The following UTP18 variants were observed in gnomAD, a reference collection of about 807,000 sequenced individuals.
UTP18 encodes U3 small nucleolar RNA-associated protein 18 homolog.
Under a neutral mutation model 61.1 loss-of-function variants are expected in UTP18, and 36 were observed. That is an observed-to-expected ratio of 0.59 (90% CI 0.45 to 0.78). UTP18 has a LOEUF of 0.78. Ranked by LOEUF, UTP18 falls within the 30% of genes least tolerant of loss-of-function variation. The pLI is 0.00. For missense variants in UTP18, 753 were observed against 693.9 expected (o/e 1.09, Z -0.96); for synonymous variants, 282 against 251.1 (o/e 1.12, Z -1.16).
chr17:51,285,029 C>G (rs984889901), intron 9 of UTP18, among the ~76,000 whole-genome samples: 1 of 151,506 alleles, frequency 6.6e-6, no homozygotes, highest in African/African-American at 2.4e-5. Context: ...CAGTTACACT[C>G]CAGCCTGGGC....
intron 2 of UTP18, 78 bp from the exon 3 acceptor site, chr17:51,266,104 T>C: frequency 9.1e-7 from 1 of 1,098,760 alleles, no homozygotes; most frequent in Non-Finnish European, 1.2e-6. Flanking sequence ...TAAACATTTT[T>C]CTCCAAGTGC....
intron 3 of UTP18, among the ~76,000 whole-genome samples, chr17:51,266,854 C>T (rs1173614926): frequency 6.6e-6 from 1 of 151,922 alleles, no homozygotes; most frequent in African/African-American, 2.4e-5. Flanking sequence ...GATTTTATGT[C>T]CTTTAAATTT....
intron 10 of UTP18, among the ~76,000 whole-genome samples, chr17:51,287,009 A>G (rs186550282): frequency 3.3e-5 from 4 of 121,202 alleles, no homozygotes; most frequent in Admixed American, 2.1e-4. Context: ...CCGGTATGTG[A>G]TGTTCCCCTT....
chr17:51,297,053 T>A, intron 13 of UTP18, 50 bp downstream of exon 13: 1 of 1,471,340 alleles, frequency 6.8e-7, no homozygotes, highest in Non-Finnish European at 9.3e-7. Context: ...GATACACCCA[T>A]TGCTGTCAGT....
chr17:51,263,688 G>A (rs2055531356), intron 2 of UTP18, among the ~76,000 whole-genome samples: 1 of 152,180 alleles, frequency 6.6e-6, no homozygotes, highest in Admixed American at 6.5e-5. Context: ...ACCATGGGCA[G>A]TTTGGAACCT....
chr17:51,295,318 T>G (rs1442302714), intron 12 of UTP18, among the ~76,000 whole-genome samples: 1 of 152,128 alleles, frequency 6.6e-6, no homozygotes, highest in Non-Finnish European at 1.5e-5. Context: ...TCTTCTAGGG[T>G]TTTTATGGTT....
Position 51,263,370 on chromosome 17 carries a change from G to A in UTP18, c.439G>A (p.Asp147Asn). Residue 147 changes from aspartate to asparagine, a missense_variant, in exon 2 of 14, where the codon GAT (aspartate) becomes AAT (asparagine). Transcript: ENST00000225298. The stretch of plus-strand genomic sequence containing the variant: ...GAAGCCAGTTTGGGTGGATGAAGAA[G>A]ATGAAGATGAGGAAATGTAAGTTGC... ...QKKPVWVDEEDEDEEMVDMMN... is the reference protein window; with the variant it reads ...QKKPVWVDEENEDEEMVDMMN... 2 of 1,614,040 alleles carry A rather than the reference G, an allele frequency of 1.2e-6. No individual in the cohort carries two copies. Among genetic ancestry groups the A allele is most frequent in the Non-Finnish European group, 1.7e-6 (2 of 1,179,928 alleles).
intron 9 of UTP18, 96 bp from the exon 10 acceptor site, chr17:51,285,149 C>T (rs1431727544): frequency 7.3e-7 from 1 of 1,372,682 alleles, no homozygotes; most frequent in Non-Finnish European, 1.0e-6. Flanking sequence ...TATTTGTAGT[C>T]TCCTGTACTG....
At chr17:51,274,699 G>A (rs1424752796) in intron 5 of UTP18, among the ~76,000 whole-genome samples, 2 of 151,626 alleles carry the variant, frequency 1.3e-5, no homozygotes, top group Non-Finnish European at 2.9e-5. Flanking sequence ...TGATCTGCCC[G>A]CCTCAGCTCC....
Position 51,275,919 on chromosome 17 carries a change from A to T in UTP18, c.765A>T (p.Ser255=). The change falls in exon 6 of 14, where the codon TCA becomes TCT. Residue 255 remains serine, a synonymous_variant. Transcript: ENST00000225298. ...NAERPTVARI[S]SVQFHPGAQI... ...AACGTCCTACTGTTGCTCGGATCTC[A>T]TCTGTGCAGTTCCATCCCGGTGCAC... 1 of 1,584,082 alleles carries T rather than the reference A, an allele frequency of 6.3e-7. No individual in the cohort carries two copies. The highest frequency in any genetic ancestry group is 1.3e-5 in the African/African-American group (1 of 74,240).
chr17:51,285,945 A>G (rs1474047182), intron 10 of UTP18, among the ~76,000 whole-genome samples: 1 of 152,156 alleles, frequency 6.6e-6, no homozygotes. Flanking sequence ...ATTTTTTCCT[A>G]TTTAAAATAC....
chr17:51,278,420 CA>C (rs1904802828), intron 7 of UTP18, among the ~76,000 whole-genome samples: 1 of 152,168 alleles, frequency 6.6e-6, no homozygotes, highest in Non-Finnish European at 1.5e-5. Flanking sequence ...TTTCACTATT[CA>C]AAAGTAATGG....
chr17:51,268,722 G>A (rs917501513), intron 3 of UTP18, 115 bp from the exon 4 acceptor site: 29 of 795,574 alleles, frequency 3.6e-5, no homozygotes, highest in Admixed American at 9.0e-5. Flanking sequence ...TACTTCTTTG[G>A]AAGAGAGTCC....
intron 12 of UTP18, among the ~76,000 whole-genome samples, chr17:51,295,161 C>G (rs1905334786): frequency 6.6e-6 from 1 of 152,130 alleles, no homozygotes; most frequent in African/African-American, 2.4e-5. Flanking sequence ...CCTGTTTACT[C>G]TGATGGTAGT....
At chr17:51,263,212 T>C in intron 1 of UTP18, 62 bp from the exon 2 acceptor site, 1 of 1,384,156 alleles carries the variant, frequency 7.2e-7, no homozygotes, top group Non-Finnish European at 1.0e-6. Flanking sequence ...CTGTAAGGCC[T>C]ATGTGTCTGC....
At chr17:51,276,662 A>G (rs569590772) in intron 6 of UTP18, among the ~76,000 whole-genome samples, 18 of 152,326 alleles carry the variant, frequency 1.2e-4, no homozygotes, top group African/African-American at 4.1e-4. Context: ...GATGGTGAAC[A>G]CATGGTCACA....
chr17:51,266,351 C>A, intron 3 of UTP18, 71 bp downstream of exon 3: 1 of 1,054,998 alleles, frequency 9.5e-7, no homozygotes, highest in Non-Finnish European at 1.3e-6. Context: ...ACCGTAACCG[C>A]TTCTTGTGTA....
intron 11 of UTP18, among the ~76,000 whole-genome samples, 169 bp from the exon 12 acceptor site, chr17:51,293,732 AAG>A (rs1905290749): frequency 6.6e-6 from 1 of 152,214 alleles, no homozygotes; most frequent in Non-Finnish European, 1.5e-5. Context: ...GTAATAAAAA[AAG>A]ATCAAACTTA....
intron 3 of UTP18, 25 bp from the exon 4 acceptor site, chr17:51,268,812 A>G: frequency 3.1e-6 from 5 of 1,606,226 alleles, no homozygotes; most frequent in South Asian, 1.1e-5. Flanking sequence ...TGCCATAAAT[A>G]TATTTTTCAA....
Sources: gnomAD v4.1 joint callset for allele counts (sites outside exome capture counted in the v4.1 genomes callset) on GRCh38, gnomAD v4.1.1 for gene constraint, MANE v1.5 for transcripts, NCBI Gene and HGNC (gene_info 2026-07-23, HGNC 2026-07-21) for gene names.